SIPA1L3: variants seen among roughly 807,000 people sequenced by gnomAD.
SIPA1L3 encodes signal induced proliferation associated 1 like 3, also known as signal-induced proliferation-associated 1-like protein 3.
Under a neutral mutation model 150.1 loss-of-function variants are expected in SIPA1L3, and 59 were observed. The ratio of observed to expected loss-of-function variants is 0.39; its 90% CI spans 0.32 to 0.49. The LOEUF (loss-of-function observed/expected upper bound fraction) is 0.49, where lower values mean the gene tolerates loss of function less well. Among genes scored for constraint, SIPA1L3 ranks in the 20% least tolerant of loss-of-function variants. SIPA1L3 has a pLI of 0.86. For missense variants in SIPA1L3, 2,211 were observed against 2,489.5 expected (o/e 0.89, Z 2.38); for synonymous variants, 1,070 against 1,077.6 (o/e 0.99, Z 0.14).
At chr19:38,187,847 A>G (rs1226539507) in intron 16 of SIPA1L3, among the ~76,000 whole-genome samples, 1 of 151,756 alleles carries the variant, frequency 6.6e-6, no homozygotes, top group African/African-American at 2.4e-5. Context: ...AAATACAAAA[A>G]TTAGCCGAGT....
rs1349862850 is a variant in SIPA1L3 at position 38,082,031 on chromosome 19, C to A, written c.466C>A (p.Pro156Thr). 10 of 1,614,042 alleles carry A rather than the reference C, an allele frequency of 6.2e-6. No homozygotes were observed. Among genetic ancestry groups the A allele is most frequent in the Non-Finnish European group, 8.5e-6 (10 of 1,180,002 alleles). ...AGACGTGGAGTTCCAGGACGGGTGGCCCCGGTCCCCCGGCAGGGCCTTCCT... is the reference window on the plus strand; with the variant it reads ...AGACGTGGAGTTCCAGGACGGGTGGACCCGGTCCCCCGGCAGGGCCTTCCT... Reference protein sequence around the residue: ...SKDVEFQDGWPRSPGRAFLPL... With the variant: ...SKDVEFQDGWTRSPGRAFLPL... The change falls in exon 3 of 22, where the codon CCC (proline) becomes ACC (threonine). Residue 156 changes from proline (P) to threonine (T), a missense_variant. Physicochemically the swap from Pro to Thr is conservative, Grantham distance 38. This residue lies in a region of SIPA1L3 where 587 missense variants were observed against 534.5 expected (regional missense o/e 1.10). Coordinates refer to ENST00000222345, the MANE Select transcript of SIPA1L3 (RefSeq NM_015073.3).
intron 1 of SIPA1L3, among the ~76,000 whole-genome samples, chr19:37,994,096 C>T (rs1312191737): frequency 6.6e-6 from 1 of 152,012 alleles, no homozygotes; most frequent in Non-Finnish European, 1.5e-5. Context: ...AGATGTGGGT[C>T]TCGCTTTGTT....
chr19:38,092,342 A>G (rs1970278234), intron 4 of SIPA1L3, among the ~76,000 whole-genome samples: 3 of 152,096 alleles, frequency 2.0e-5, no homozygotes, highest in South Asian at 2.1e-4. Context: ...CGTTGTGCAC[A>G]TGTACCCTAG....
chr19:38,111,201 A>T (rs867089778), intron 8 of SIPA1L3, among the ~76,000 whole-genome samples: 6 of 151,282 alleles, frequency 4.0e-5, no homozygotes, highest in African/African-American at 9.7e-5. Context: ...ATTAAAAAAA[A>T]ATTTTTTTTT....
Position 38,047,055 on chromosome 19 carries a change from T to C in SIPA1L3, c.-311+17899T>C, listed in dbSNP as rs1969075790. 6.6e-6 allele frequency among the ~76,000 whole-genome samples: 1 copy of C among 152,150 alleles called. No individual in the cohort carries two copies. Among genetic ancestry groups the C allele is most frequent in the Non-Finnish European group, 1.5e-5 (1 of 68,030 alleles). On this transcript the variant is annotated intron_variant, in intron 2 of 21. Transcript: ENST00000222345. This position sits in a 1 kb window ranked among gnomAD's most constrained non-coding sequence, Gnocchi z 4.7. ...ACCCACTTAGTCCTCCCAAAAACCC[T>C]GTGAGGCAGGCACTATCCAGTTTTA...
intron 2 of SIPA1L3, among the ~76,000 whole-genome samples, chr19:38,039,591 G>A (rs1244272148): frequency 6.6e-6 from 1 of 151,556 alleles, no homozygotes; most frequent in Non-Finnish European, 1.5e-5. Flanking sequence ...CTACTCAGGA[G>A]GCTGAGGCAG....
intron 1 of SIPA1L3, among the ~76,000 whole-genome samples, chr19:37,919,698 C>T (rs1429747034): frequency 1.4e-5 from 2 of 146,546 alleles, no homozygotes; most frequent in African/African-American, 2.6e-5. Context: ...CCCTTTGGGC[C>T]CTGAGGCTTT....
intron 1 of SIPA1L3, among the ~76,000 whole-genome samples, chr19:37,940,246 G>A (rs1390422944): frequency 1.3e-5 from 2 of 150,120 alleles, no homozygotes; most frequent in African/African-American, 2.5e-5. Context: ...GCACCGCTGC[G>A]TTCCAGCCTG....
intron 1 of SIPA1L3, among the ~76,000 whole-genome samples, chr19:37,922,496 C>T (rs576038410): frequency 7.9e-5 from 12 of 151,890 alleles, no homozygotes; most frequent in Admixed American, 7.9e-4. Flanking sequence ...CGGGTTCCAG[C>T]GATTCTCCTG....
intron 1 of SIPA1L3, among the ~76,000 whole-genome samples, chr19:38,014,237 G>C (rs1324427572): frequency 6.6e-6 from 1 of 152,218 alleles, no homozygotes; most frequent in East Asian, 1.9e-4. Context: ...CTGTTCCTGG[G>C]TGCCAGGTGC....
At chr19:37,945,411 T>A (rs998342682) in intron 1 of SIPA1L3, among the ~76,000 whole-genome samples, 15 of 152,152 alleles carry the variant, frequency 9.9e-5, no homozygotes, top group Admixed American at 8.5e-4. Context: ...TATTTTTTTG[T>A]ATTTTTTGTA....
chr19:37,935,616 G>A (rs978156663), intron 1 of SIPA1L3, among the ~76,000 whole-genome samples: 1 of 152,182 alleles, frequency 6.6e-6, no homozygotes, highest in African/African-American at 2.4e-5. Flanking sequence ...GAGGGTGGAT[G>A]GGGTTGGAAC....
At chr19:38,106,778 G>C in intron 7 of SIPA1L3, 138 bp downstream of exon 7, 2 of 639,276 alleles carry the variant, frequency 3.1e-6, no homozygotes, top group Admixed American at 5.4e-5. Context: ...CACTTTCCCT[G>C]GGGGTTAGAG....
Position 38,202,002 on chromosome 19 carries a change from G to A in SIPA1L3, c.5120+5G>A, listed in dbSNP as rs1179545265. ...CAGGACCACCCCTACCATGAGGTGA[G>A]GTTTCCCTGGGAACACCCGGGTTCA... On this transcript the variant is annotated splice_donor_5th_base_variant and intron_variant, in intron 20 of 21. Transcript: ENST00000222345. The A allele has an allele frequency of 3.7e-6, 6 of 1,603,450 alleles. No homozygotes were observed. Among genetic ancestry groups the A allele is most frequent in the Non-Finnish European group, 8.5e-7 (1 of 1,175,884 alleles).
intron 10 of SIPA1L3, chr19:38,131,846 T>C (rs947986398): frequency 7.9e-5 from 12 of 151,966 alleles, no homozygotes; most frequent in African/African-American, 2.7e-4. Context: ...TTGTCCAGGA[T>C]GGTCTCAATC....
At chr19:38,205,844 C>T (rs975616515) in intron 21 of SIPA1L3, among the ~76,000 whole-genome samples, 2 of 152,212 alleles carry the variant, frequency 1.3e-5, no homozygotes, top group African/African-American at 2.4e-5. Flanking sequence ...CATGTGGTTG[C>T]GTTCCGGGAG....
chr19:38,018,219 A>C (rs1293411980), intron 1 of SIPA1L3, among the ~76,000 whole-genome samples: 1 of 124,746 alleles, frequency 8.0e-6, no homozygotes, highest in African/African-American at 3.2e-5. Context: ...GCTGGAGTGC[A>C]GTGGTATGAT....
chr19:37,953,305 G>A (rs539908385), intron 1 of SIPA1L3, among the ~76,000 whole-genome samples: 30 of 152,234 alleles, frequency 2.0e-4, no homozygotes, highest in African/African-American at 7.0e-4. Flanking sequence ...TAAACCTGGC[G>A]TATCGCATCA....
intron 18 of SIPA1L3, among the ~76,000 whole-genome samples, chr19:38,195,261 A>C (rs960027858): frequency 6.6e-6 from 1 of 151,676 alleles, no homozygotes; most frequent in African/African-American, 2.4e-5. Context: ...CTTCTGGGTC[A>C]CTCTTGTCCT....
Sources: gnomAD v4.1 joint callset for allele counts (sites outside exome capture counted in the v4.1 genomes callset) on GRCh38, gnomAD v4.1.1 for gene constraint, gnomAD v4.1.1 regional missense constraint, Gnocchi (gnomAD v3.1) non-coding constraint, MANE v1.5 for transcripts, NCBI Gene and HGNC (gene_info 2026-07-23, HGNC 2026-07-21) for gene names.